Variants in AGMO observed in about 807,000 individuals in gnomAD.
AGMO encodes the protein alkylglycerol monooxygenase.
A neutral mutation model predicts 60.2 loss-of-function variants in AGMO; 75 were observed. The ratio of observed to expected loss-of-function variants is 1.25; its 90% CI spans 1.03 to 1.51. The LOEUF is 1.51. Ranked by LOEUF, AGMO falls within the 40% of genes most tolerant of loss-of-function variation. AGMO has a pLI of 0.00. For missense variants in AGMO, 763 were observed against 525.5 expected (o/e 1.45, Z -4.42); for synonymous variants, 261 against 177.1 (o/e 1.47, Z -3.76).
At chr7:15,484,070 A>C (rs1256061816) in intron 3 of AGMO, among the ~76,000 whole-genome samples, 1 of 152,144 alleles carries the variant, frequency 6.6e-6, no homozygotes, top group Admixed American at 6.6e-5. Context: ...GGGTCTTAGG[A>C]TATACATATA....
intron 2 of AGMO, among the ~76,000 whole-genome samples, chr7:15,548,961 G>A (rs981648474): frequency 8.6e-5 from 13 of 150,552 alleles, no homozygotes; most frequent in African/African-American, 1.2e-4. Flanking sequence ...GACTAACAGC[G>A]GATCTCTCGG....
In AGMO at chr7:15,355,751, T is replaced by C. The variant is rs141781250; in HGVS notation, c.1263+9763A>G. Among the ~76,000 whole-genome samples the C allele has an allele frequency of 3.1e-4, 47 of 152,136 alleles. No homozygotes were observed. In the East Asian group the frequency reaches 7.0e-3, roughly 23 times the overall value. ...CCATCTTCATACATAAAGGGGAGTA[T>C]TGTATTATATGGAATTATTCTGTGG... On this transcript the variant is annotated intron_variant, in intron 12 of 12. Transcript: ENST00000342526.
At chr7:15,125,578 T>C in the AGMO span, among the ~76,000 whole-genome samples, 2 of 152,228 alleles carry the variant, frequency 1.3e-5, no homozygotes, top group Non-Finnish European at 1.5e-5. Flanking sequence ...TTAAACACTC[T>C]TGCAATAGTG....
At chr7:15,122,657 A>G in the AGMO span, among the ~76,000 whole-genome samples, 1 of 152,012 alleles carries the variant, frequency 6.6e-6, no homozygotes, top group Non-Finnish European at 1.5e-5. Context: ...ATTGCATTCC[A>G]CTTTGAGTCT....
intron 10 of AGMO, among the ~76,000 whole-genome samples, chr7:15,380,974 A>G (rs970282026): frequency 1.3e-5 from 2 of 152,218 alleles, no homozygotes; most frequent in Non-Finnish European, 2.9e-5. Context: ...ATAACTGCCT[A>G]GCCATATGCA....
chr7:15,400,280 C>G (rs1409880282), intron 5 of AGMO, among the ~76,000 whole-genome samples: 1 of 152,060 alleles, frequency 6.6e-6, no homozygotes, highest in East Asian at 1.9e-4. Flanking sequence ...CACCACCCCC[C>G]CAAGCAATTT....
At chr7:15,470,964 C>T (rs1782437809) in intron 3 of AGMO, among the ~76,000 whole-genome samples, 2 of 151,876 alleles carry the variant, frequency 1.3e-5, no homozygotes, top group South Asian at 4.2e-4. Flanking sequence ...AAAGCATAGC[C>T]AGATGCTTCT....
intron 12 of AGMO, among the ~76,000 whole-genome samples, chr7:15,293,616 G>C (rs1246744436): frequency 6.8e-6 from 1 of 147,360 alleles, no homozygotes; most frequent in Non-Finnish European, 1.5e-5. Flanking sequence ...TTCTACTCTA[G>C]TTCCTCACAC....
At chr7:15,392,275 G>A (rs529169318) in intron 6 of AGMO, among the ~76,000 whole-genome samples, 11 of 150,630 alleles carry the variant, frequency 7.3e-5, no homozygotes, top group East Asian at 2.0e-4. Flanking sequence ...GGGTTTCACC[G>A]TGCTAGCCAG....
intron 9 of AGMO, among the ~76,000 whole-genome samples, chr7:15,386,689 A>G (rs571260698): frequency 6.2e-4 from 95 of 152,296 alleles, no homozygotes; most frequent in African/African-American, 2.1e-3. Flanking sequence ...TTGTACACAT[A>G]GTATCATCCT....
intron 2 of AGMO, among the ~76,000 whole-genome samples, chr7:15,559,470 C>T (rs747717198): frequency 1.3e-5 from 2 of 152,070 alleles, no homozygotes; most frequent in African/African-American, 2.4e-5. Context: ...ATGAATGAAT[C>T]TGAATTGGCC....
At chr7:15,227,955 G>A (rs374314023) in intron 12 of AGMO, among the ~76,000 whole-genome samples, 12 of 152,084 alleles carry the variant, frequency 7.9e-5, no homozygotes, top group Admixed American at 1.3e-4. Context: ...GTTGGGCAGC[G>A]ATCCCCTTTT....
intron 12 of AGMO, among the ~76,000 whole-genome samples, chr7:15,357,056 G>A (rs62450356): frequency 0.035 from 5,257 of 151,612 alleles, 98 homozygotes; most frequent in Admixed American, 0.05. Context: ...CCTGGGAGGC[G>A]GAGGATGCAG....
At chr7:15,186,293 T>C in the AGMO span, among the ~76,000 whole-genome samples, 1 of 152,212 alleles carries the variant, frequency 6.6e-6, no homozygotes, top group African/African-American at 2.4e-5. Flanking sequence ...GATTGCAGGA[T>C]TGTTTTGCTA....
chr7:15,535,300 T>C (rs912134785), intron 3 of AGMO, among the ~76,000 whole-genome samples: 1 of 151,900 alleles, frequency 6.6e-6, no homozygotes, highest in Non-Finnish European at 1.5e-5. Flanking sequence ...ATAAGAAAAA[T>C]AAGTTATTCC....
At chr7:15,394,012 G>C in intron 6 of AGMO, 101 bp downstream of exon 6, 1 of 698,234 alleles carries the variant, frequency 1.4e-6, no homozygotes, top group Non-Finnish European at 2.3e-6. Context: ...TAAAATGTGT[G>C]CTGACTATAT....
At position 15,249,768 on chromosome 7, in the gene AGMO, A is replaced by G. The variant is rs1004541285; in HGVS notation, c.1264-48409T>C. Reference sequence around the variant, plus strand: ...CCCCAAATTTTCTAGATCCATAGTCATGTCTGGGAGATGGGTAGGAAACTA... The same window carrying G: ...CCCCAAATTTTCTAGATCCATAGTCGTGTCTGGGAGATGGGTAGGAAACTA... On this transcript the variant is annotated intron_variant, in intron 12 of 12. Coordinates refer to ENST00000342526, the MANE Select transcript of AGMO (RefSeq NM_001004320.2). 2.2e-4 allele frequency among the ~76,000 whole-genome samples: 34 copies of G among 152,170 alleles called. 2 individuals are homozygous for G. The highest frequency in any genetic ancestry group is 2.1e-3 in the Admixed American group (32 of 15,268).
chr7:15,212,243 G>A (rs1450873557), intron 12 of AGMO, among the ~76,000 whole-genome samples: 1 of 125,344 alleles, frequency 8.0e-6, no homozygotes, highest in African/African-American at 3.0e-5. Flanking sequence ...TGTTAGGTGT[G>A]GAGTACACAC....
intron 3 of AGMO, among the ~76,000 whole-genome samples, chr7:15,527,509 G>C (rs758504042): frequency 2.6e-5 from 4 of 152,126 alleles, no homozygotes; most frequent in Non-Finnish European, 5.9e-5. Flanking sequence ...TGAGGTTTAA[G>C]GAAAGAAGCC....
Sources: allele counts gnomAD v4.1 joint callset (sites outside exome capture counted in the v4.1 genomes callset), GRCh38; gene constraint gnomAD v4.1.1; transcripts MANE v1.5; gene names NCBI Gene and HGNC (gene_info 2026-07-23, HGNC 2026-07-21).